The following CTNNA2 variants were observed in gnomAD, a reference collection of about 807,000 sequenced individuals.
CTNNA2 encodes the protein catenin alpha 2, also known as catenin alpha-2.
A neutral mutation model predicts 101.0 loss-of-function variants in CTNNA2; 42 were observed. The observed-to-expected ratio is 0.42, with a 90% CI of 0.32 to 0.54. The LOEUF (loss-of-function observed/expected upper bound fraction) is 0.54, where lower values mean the gene tolerates loss of function less well. Ranked by LOEUF, CTNNA2 falls within the 20% of genes least tolerant of loss-of-function variation. The pLI, the probability that CTNNA2 is intolerant of heterozygous loss-of-function variation, is 0.14. For missense variants in CTNNA2, 871 were observed against 1,223.1 expected, an observed-to-expected ratio of 0.71 and a Z score of 4.29; for synonymous variants, 450 against 456.4, an observed-to-expected ratio of 0.99 and a Z score of 0.18.
intron 4 of CTNNA2, among the ~76,000 whole-genome samples, chr2:79,407,463 G>A (rs1466352769): frequency 2.6e-5 from 4 of 151,742 alleles, no homozygotes; most frequent in African/African-American, 9.7e-5. Context: ...CTCCCCATAT[G>A]CAACTTCACA....
chr2:79,748,627 C>T (rs1021527281), intron 3 of CTNNA2, among the ~76,000 whole-genome samples: 2 of 151,962 alleles, frequency 1.3e-5, no homozygotes, highest in Non-Finnish European at 2.9e-5. Flanking sequence ...TTTGAAGTTT[C>T]ACAACATTCA....
chr2:79,415,471 T>C (rs1678467124), intron 4 of CTNNA2, among the ~76,000 whole-genome samples: 3 of 152,170 alleles, frequency 2.0e-5, no homozygotes. Flanking sequence ...CTCCCAAAAC[T>C]GATTTGATCT....
chr2:79,486,624 G>C (rs1367029025), intron 4 of CTNNA2, among the ~76,000 whole-genome samples: 1 of 152,112 alleles, frequency 6.6e-6, no homozygotes, highest in Non-Finnish European at 1.5e-5. Flanking sequence ...GCTATTTCTA[G>C]TTCTAGATCC....
chr2:79,823,457 G>T (rs928278488), intron 3 of CTNNA2, among the ~76,000 whole-genome samples: 1 of 152,122 alleles, frequency 6.6e-6, no homozygotes, highest in Non-Finnish European at 1.5e-5. Context: ...GGCGGAGGTT[G>T]CAGTGAGCTG....
At chr2:80,234,365 G>T (rs926169212) in intron 7 of CTNNA2, among the ~76,000 whole-genome samples, 1 of 152,090 alleles carries the variant, frequency 6.6e-6, no homozygotes, top group Non-Finnish European at 1.5e-5. Flanking sequence ...AATGTTAGAA[G>T]GTATTAATCT....
intron 7 of CTNNA2, among the ~76,000 whole-genome samples, chr2:79,943,123 C>T (rs1314827246): frequency 6.6e-6 from 1 of 152,002 alleles, no homozygotes; most frequent in African/African-American, 2.4e-5. Context: ...AGGCTGAAGC[C>T]AGAGAATCGC....
intron 2 of CTNNA2, among the ~76,000 whole-genome samples, chr2:79,699,588 A>G (rs1379502635): frequency 6.6e-6 from 1 of 151,846 alleles, no homozygotes; most frequent in African/African-American, 2.4e-5. Flanking sequence ...CAACTTTGCA[A>G]AGTTCTTTTT....
chr2:80,439,385 G>A (rs188524103), intron 9 of CTNNA2, among the ~76,000 whole-genome samples: 79 of 152,070 alleles, frequency 5.2e-4, no homozygotes, highest in Admixed American at 1.5e-3. Context: ...GTGTTTATAA[G>A]GTTTTTTTGT....
chr2:79,344,815 T>TATATATA (rs1424870451), intron 3 of CTNNA2, among the ~76,000 whole-genome samples: 4 of 145,976 alleles, frequency 2.7e-5, no homozygotes, highest in South Asian at 2.1e-4. Flanking sequence ...TATATATTTA[T>TATATATA]ATATATAATA....
chr2:80,111,131 C>G (rs1701186565), intron 7 of CTNNA2, among the ~76,000 whole-genome samples: 1 of 152,018 alleles, frequency 6.6e-6, no homozygotes. Flanking sequence ...GGTAACTGCC[C>G]CCATGATTCA....
intron 9 of CTNNA2, among the ~76,000 whole-genome samples, chr2:80,443,504 T>G (rs1682780082): frequency 6.6e-6 from 1 of 152,166 alleles, no homozygotes; most frequent in Non-Finnish European, 1.5e-5. Flanking sequence ...AAGCTAACAT[T>G]CATGGCCTAA....
chr2:80,528,653 C>T (rs1197122825), intron 9 of CTNNA2, among the ~76,000 whole-genome samples: 1 of 152,030 alleles, frequency 6.6e-6, no homozygotes, highest in Middle Eastern at 3.4e-3. Flanking sequence ...TGGGTTCTAC[C>T]ACATAGAAGG....
In CTNNA2 at chr2:79,977,453, C is replaced by T. The variant is rs142113829; in HGVS notation, c.1056+67656C>T. Among the ~76,000 whole-genome samples the T allele has an allele frequency of 2.2e-4, 34 of 152,174 alleles. No individual in the cohort carries two copies. The East Asian group carries it at 3.7e-3, about 16-fold the overall frequency. On this transcript the variant is annotated intron_variant, in intron 7 of 18. Transcript: ENST00000402739. ...GTAGTGTACAGGACAGCCCCCACCA[C>T]GAGAATGATCCAGCCCAGAAGGTCA...
chr2:79,592,079 G>T (rs1676893016), intron 1 of CTNNA2, among the ~76,000 whole-genome samples: 1 of 149,396 alleles, frequency 6.7e-6, no homozygotes, highest in South Asian at 2.1e-4. Context: ...ACACTTTTCT[G>T]ACTGCTTTGA....
At chr2:80,387,258 C>T (rs1677106051) in intron 7 of CTNNA2, among the ~76,000 whole-genome samples, 1 of 151,816 alleles carries the variant, frequency 6.6e-6, no homozygotes, top group African/African-American at 2.4e-5. Context: ...CACTGCACTC[C>T]AGCCTGGGCA....
At chr2:80,603,916 A>AT in intron 15 of CTNNA2, 158 bp from the exon 16 acceptor site, 1 of 554,478 alleles carries the variant, frequency 1.8e-6, no homozygotes, top group East Asian at 2.9e-5. Flanking sequence ...GACTACTAAT[A>AT]TAGAAACTGG....
chr2:79,712,913 C>CAAAATAAGT (rs1394778869), intron 2 of CTNNA2, among the ~76,000 whole-genome samples: 1 of 152,042 alleles, frequency 6.6e-6, no homozygotes, highest in African/African-American at 2.4e-5. Flanking sequence ...CCATAATTTT[C>CAAAATAAGT]ACAAAATAAG....
chr2:80,303,444 T>A lies in CTNNA2; in HGVS notation c.1057-89767T>A, dbSNP rs1676567587. 2 of 1,613,996 alleles carry A rather than the reference T, an allele frequency of 1.2e-6. No individual in the cohort carries two copies. Among genetic ancestry groups the A allele is most frequent in the South Asian group, 2.2e-5 (2 of 91,082 alleles). The stretch of plus-strand genomic sequence containing the variant: ...CGGAAGGTGGTGTTGGGCAGTTGGG[T>A]GATCTGGTTGGAACTCAGCGTGAGT... On this transcript the variant is annotated intron_variant, in intron 7 of 18. Transcript: ENST00000402739. The surrounding 1 kb of genome is among the most constrained non-coding windows in gnomAD (Gnocchi z 7.7).
At chr2:79,497,740 A>G (rs552020467) in intron 4 of CTNNA2, among the ~76,000 whole-genome samples, 14 of 152,318 alleles carry the variant, frequency 9.2e-5, no homozygotes, top group African/African-American at 3.4e-4. Flanking sequence ...GTCTTAGAAA[A>G]TTACTACTCT....
Sources: allele counts gnomAD v4.1 joint callset (sites outside exome capture counted in the v4.1 genomes callset), GRCh38; gene constraint gnomAD v4.1.1; non-coding constraint Gnocchi (gnomAD v3.1); transcripts MANE v1.5; gene names NCBI Gene and HGNC (gene_info 2026-07-23, HGNC 2026-07-21).